Variants in JAM2 observed in about 807,000 individuals in gnomAD.
JAM2 encodes the protein junctional adhesion molecule 2.
In JAM2, 17 loss-of-function variants were observed where a neutral mutation model predicts 42.0. The ratio of observed to expected loss-of-function variants is 0.40; its 90% confidence interval spans 0.28 to 0.61. JAM2 has a LOEUF of 0.61. Ranked by LOEUF, JAM2 falls within the 20% of genes least tolerant of loss-of-function variation. The pLI, the probability that JAM2 is intolerant of heterozygous loss-of-function variation, is 0.37. For synonymous variants in JAM2, 118 were observed against 128.6 expected (o/e 0.92, Z 0.56); for missense variants, 319 against 358.3 (o/e 0.89, Z 0.89).
Position 25,714,854 on chromosome 21 carries a change from G to C in JAM2, c.*182G>C, listed in dbSNP as rs917438445. 1 of 457,036 alleles carries C rather than the reference G, an allele frequency of 2.2e-6. No homozygotes were observed. Among genetic ancestry groups the C allele is most frequent in the African/African-American group, 2.1e-5 (1 of 48,568 alleles). 28.3% of individuals were successfully genotyped at this position (457,036 alleles called of 1,614,324 possible). A position where few individuals can be genotyped will look rare whatever the true frequency, so the allele number is the denominator to read the frequency against. ...GCTATTTTAAACAAATAGTTCTGTC[G>C]ACACCTAAAATATAATCTGGCTTCT... On this transcript the variant is annotated 3_prime_UTR_variant, in exon 10 of 10. Transcript: ENST00000480456.
intron 2 of JAM2, 146 bp downstream of exon 2, chr21:25,684,094 C>G (rs1003346670): frequency 1.2e-5 from 6 of 512,964 alleles, no homozygotes; most frequent in African/African-American, 2.0e-5. Flanking sequence ...ATGCTGACTC[C>G]ACCTCAAGAA....
chr21:25,709,467 C>A lies in JAM2; in HGVS notation c.821+18C>A. The stretch of plus-strand genomic sequence containing the variant: ...TCCTTCCAGTAAGTATACTTTCCTA[C>A]AATGCATGTCTTTCTCCTATGTCAA... On this transcript the variant is annotated intron_variant, in intron 8 of 9. Transcript: ENST00000480456. 6.9e-7 allele frequency: 1 copy of A among 1,440,484 alleles called. No homozygotes were observed. Among genetic ancestry groups the A allele is most frequent in the Non-Finnish European group, 9.6e-7 (1 of 1,038,780 alleles). The allele number at this position is 1,440,484 out of a possible 1,614,324, so 89.2% of individuals were successfully genotyped here.
chr21:25,641,764 C>T (rs2032451185), intron 1 of JAM2, among the ~76,000 whole-genome samples: 1 of 152,086 alleles, frequency 6.6e-6, no homozygotes, highest in South Asian at 2.1e-4. Context: ...TACCTAATGC[C>T]TTTTCTATTC....
intron 1 of JAM2, among the ~76,000 whole-genome samples, chr21:25,650,977 T>G (rs895504438): frequency 6.6e-6 from 1 of 150,472 alleles, no homozygotes; most frequent in Non-Finnish European, 1.5e-5. Flanking sequence ...GAACCTGATA[T>G]TCTCCATGAG....
At chr21:25,666,192 A>T (rs1172552348) in intron 1 of JAM2, among the ~76,000 whole-genome samples, 2 of 151,590 alleles carry the variant, frequency 1.3e-5, no homozygotes, top group Non-Finnish European at 2.9e-5. Context: ...GTATATCAAC[A>T]TTTTAAAAAA....
In JAM2 at chr21:25,655,586, T is replaced by C. The variant is rs549996508; in HGVS notation, c.67+15698T>C. ...ATCTCTGCTTCCCGGGCTCAAGCGA[T>C]TCTCCTCCCTCAGCCTCCCGAGTAG... On this transcript the variant is annotated intron_variant, in intron 1 of 9. Coordinates refer to ENST00000480456, the MANE Select transcript of JAM2 (RefSeq NM_021219.4). Among the ~76,000 whole-genome samples, 17 of 149,988 alleles carry C rather than the reference T, an allele frequency of 1.1e-4. No individual in the cohort carries two copies. The South Asian group carries it at 3.4e-3, about 30-fold the overall frequency.
chr21:25,702,839 T>G (rs188782098), intron 6 of JAM2, among the ~76,000 whole-genome samples: 2 of 152,270 alleles, frequency 1.3e-5, no homozygotes, highest in East Asian at 3.9e-4. Context: ...GGGTTTTTTT[T>G]GTTGTTGTTT....
rs2032454470 is a variant in JAM2 at position 25,641,876 on chromosome 21, A to G, written c.67+1988A>G. Among the ~76,000 whole-genome samples, 2 of 152,110 alleles carry G rather than the reference A, an allele frequency of 1.3e-5. 1 individual carries two copies. Among genetic ancestry groups the G allele is most frequent in the South Asian group, 4.1e-4 (2 of 4,824 alleles). ...TAGGCTTCCCTTGCTTTCTCTTACTATAATGGGTTTGAGGAGTTCTGGTCA... is the reference window on the plus strand; with the variant it reads ...TAGGCTTCCCTTGCTTTCTCTTACTGTAATGGGTTTGAGGAGTTCTGGTCA... On this transcript the variant is annotated intron_variant, in intron 1 of 9. Transcript: ENST00000480456.
chr21:25,648,639 C>T (rs1251093342), intron 1 of JAM2, among the ~76,000 whole-genome samples: 1 of 152,206 alleles, frequency 6.6e-6, no homozygotes, highest in Non-Finnish European at 1.5e-5. Flanking sequence ...TTCTTTCCAA[C>T]TCATCAATTC....
intron 1 of JAM2, among the ~76,000 whole-genome samples, chr21:25,675,595 AGAAG>A (rs1333998215): frequency 2.9e-5 from 4 of 135,612 alleles, no homozygotes; most frequent in South Asian, 2.9e-4. Flanking sequence ...AAGGAAGGAA[AGAAG>A]GAAGGAAGGA....
At position 25,715,751 on chromosome 21, in the gene JAM2, C is replaced by T. The variant is rs2123426543; in HGVS notation, c.*1079C>T. 6.6e-6 allele frequency: 1 copy of T among 152,262 alleles called. No homozygotes were observed. Among genetic ancestry groups the T allele is most frequent in the East Asian group, 1.9e-4 (1 of 5,178 alleles). The allele number at this position is 152,262 out of a possible 1,614,324, so 9.4% of individuals were successfully genotyped here. On this transcript the variant is annotated 3_prime_UTR_variant, in exon 10 of 10. Transcript: ENST00000480456. ...AGTGGATCTAATGTGGGTTTCTCAA[C>T]CGATGAACCACAAAAGCTTCCAGCT...
chr21:25,699,615 C>G (rs997990286), intron 5 of JAM2, among the ~76,000 whole-genome samples: 2 of 147,722 alleles, frequency 1.4e-5, no homozygotes, highest in African/African-American at 5.0e-5. Context: ...CCCAGCTACT[C>G]GGGAGGCTGA....
At chr21:25,675,940 T>C (rs1448341544) in intron 1 of JAM2, among the ~76,000 whole-genome samples, 1 of 152,188 alleles carries the variant, frequency 6.6e-6, no homozygotes, top group Admixed American at 6.5e-5. Context: ...ATATCCATAC[T>C]TTTTATAATT....
rs115418200 is a variant in JAM2, at chr21:25,675,885, A to T, written c.68-7998A>T. Among the ~76,000 whole-genome samples, 357 of 152,282 alleles carry T rather than the reference A, an allele frequency of 2.3e-3. 1 individual carries two copies. Among genetic ancestry groups the T allele is most frequent in the African/African-American group, 8.3e-3 (344 of 41,540 alleles). ...TTGTCTTTCAGTAACTATCAAAACC[A>T]CATGGCCATAAATTTTTATTTTTAT... On this transcript the variant is annotated intron_variant, in intron 1 of 9. Transcript: ENST00000480456.
chr21:25,695,122 C>T (rs1261620642), intron 4 of JAM2, among the ~76,000 whole-genome samples: 1 of 152,052 alleles, frequency 6.6e-6, no homozygotes, highest in Non-Finnish European at 1.5e-5. Context: ...GCAGAGGACC[C>T]TGCGGCCTTC....
chr21:25,639,712 C>T lies in JAM2; in HGVS notation c.-110C>T, dbSNP rs747577274. On this transcript the variant is annotated 5_prime_UTR_variant, in exon 1 of 10. Coordinates refer to ENST00000480456, the MANE Select transcript of JAM2 (RefSeq NM_021219.4). ...GCCGTCCCTCCTCTTCCTCCCCTCC[C>T]GACTCTCTGCTCCTTTCCCGCCCCA... The T allele has an allele frequency of 3.0e-6, 2 of 664,236 alleles. No individual in the cohort carries two copies. The highest frequency in any genetic ancestry group is 2.6e-6 in the Non-Finnish European group (1 of 391,034). The allele number at this position is 664,236 out of a possible 1,614,324, so 41.1% of individuals were successfully genotyped here.
chr21:25,700,129 G>A (rs2034135326), intron 5 of JAM2, among the ~76,000 whole-genome samples: 1 of 152,000 alleles, frequency 6.6e-6, no homozygotes, highest in South Asian at 2.1e-4. Flanking sequence ...GCTCTGTGAA[G>A]CTAATTACAT....
rs1002820497 is a variant in JAM2, at chr21:25,709,536, T to C, written c.821+87T>C. 9 of 861,580 alleles carry C rather than the reference T, an allele frequency of 1.0e-5. No homozygotes were observed. In the African/African-American group the frequency reaches 1.3e-4, roughly 13 times the overall value. The allele number at this position is 861,580 out of a possible 1,614,324, so 53.4% of individuals were successfully genotyped here. A position where few individuals can be genotyped will look rare whatever the true frequency, so the allele number is the denominator to read the frequency against. ...TCTGTTTAAAGTCAAAAGAGAGAAG[T>C]TGGGTTATTTGTGTAGGTTTACTCT... On this transcript the variant is annotated intron_variant, in intron 8 of 9. Transcript: ENST00000480456.
rs975222308 is a variant in JAM2 at position 25,714,779 on chromosome 21, G to A, written c.*107G>A. ...TTTGCAAAGAGGTACACGAGGAAAT[G>A]GAATTGGTATTTCATTTTAATTTTC... is the stretch of plus-strand genomic sequence containing the variant. On this transcript the variant is annotated 3_prime_UTR_variant, in exon 10 of 10. Transcript: ENST00000480456. 6 of 696,338 alleles carry A rather than the reference G, an allele frequency of 8.6e-6. No individual in the cohort carries two copies. The African/African-American group carries it at 1.1e-4, about 13-fold the overall frequency. 43.1% of individuals were successfully genotyped at this position (696,338 alleles called of 1,614,324 possible).
Sources: allele counts gnomAD v4.1 joint callset (sites outside exome capture counted in the v4.1 genomes callset), GRCh38; gene constraint gnomAD v4.1.1; transcripts MANE v1.5; gene names NCBI Gene and HGNC (gene_info 2026-07-23, HGNC 2026-07-21).